The following HRH1 variants were observed in gnomAD, a reference collection of about 807,000 sequenced individuals.
The protein encoded by HRH1 is histamine receptor H1.
In HRH1, 6 loss-of-function variants were observed where a neutral mutation model predicts 10.3. The ratio of observed to expected loss-of-function variants is 0.58; its 90% CI spans 0.32 to 1.15. The LOEUF (loss-of-function observed/expected upper bound fraction) is 1.15, where lower values mean the gene tolerates loss of function less well. Ranked by LOEUF, HRH1 falls within the 50% of genes most tolerant of loss-of-function variation. The pLI, the probability that HRH1 is intolerant of heterozygous loss-of-function variation, is 0.05. For missense variants in HRH1, 514 were observed against 615.3 expected (o/e 0.84, Z 1.74); for synonymous variants, 242 against 236.7 (o/e 1.02, Z -0.21).
intron 1 of HRH1, among the ~76,000 whole-genome samples, chr3:11,214,138 G>A (rs1938416911): frequency 6.6e-6 from 1 of 152,182 alleles, no homozygotes; most frequent in Non-Finnish European, 1.5e-5. Flanking sequence ...TCCAGAGGCT[G>A]CAAACAGGAG....
chr3:11,164,208 G>T (rs1029534214), intron 1 of HRH1, among the ~76,000 whole-genome samples: 5 of 152,214 alleles, frequency 3.3e-5, no homozygotes, highest in Non-Finnish European at 1.5e-5. Context: ...AAGAGCACAC[G>T]GCCTGGGCTG....
chr3:11,241,733 G>A (rs183629139), intron 1 of HRH1, among the ~76,000 whole-genome samples: 98 of 152,172 alleles, frequency 6.4e-4, no homozygotes, highest in Admixed American at 2.9e-3. Flanking sequence ...CTACTCCGGA[G>A]GCTGAGCCAG....
At position 11,254,115 on chromosome 3, in the gene HRH1, A is replaced by G. The variant is rs1439855374; in HGVS notation, c.-35-4888A>G. ...TATTATCATGATCATGATATTTCCT[A>G]TCTTTTGTCTTACTTGCTGTATTTC... On this transcript the variant is annotated intron_variant, in intron 1 of 1. Transcript: ENST00000431010. Among the ~76,000 whole-genome samples, 8 of 152,102 alleles carry G rather than the reference A, an allele frequency of 5.3e-5. No homozygotes were observed. The East Asian group carries it at 9.6e-4, about 18-fold the overall frequency.
intron 1 of HRH1, among the ~76,000 whole-genome samples, chr3:11,182,964 T>G (rs1437724505): frequency 1.3e-5 from 2 of 152,128 alleles, no homozygotes; most frequent in African/African-American, 4.8e-5. Context: ...CACTTTTCCC[T>G]TTTTTTCCTT....
In HRH1 at chr3:11,199,605, CCTAT is replaced by C. The variant is rs1447675908; in HGVS notation, c.-36+45054_-36+45057del. On this transcript the variant is annotated intron_variant, in intron 1 of 1. Coordinates refer to ENST00000431010, the MANE Select transcript of HRH1 (RefSeq NM_001098212.2). ...CCTGCATGTTGTAATTGCCTGCCTG[CCTAT>C]CTGTTCCCCTCCTAGGCAGAGGACT... 3.3e-5 allele frequency among the ~76,000 whole-genome samples: 5 copies of C among 152,190 alleles called. No individual in the cohort carries two copies. In the East Asian group the frequency reaches 9.6e-4, roughly 29 times the overall value.
intron 1 of HRH1, among the ~76,000 whole-genome samples, chr3:11,202,982 G>A (rs1054767402): frequency 5.9e-5 from 9 of 152,188 alleles, no homozygotes; most frequent in African/African-American, 1.7e-4. Flanking sequence ...TTTCCAGGAC[G>A]TCATACAGTT....
intron 1 of HRH1, among the ~76,000 whole-genome samples, chr3:11,242,611 C>A (rs1447202789): frequency 2.0e-5 from 3 of 149,582 alleles, no homozygotes; most frequent in African/African-American, 7.3e-5. Flanking sequence ...CCTCAAGATA[C>A]ATTTAGTTCC....
intron 1 of HRH1, among the ~76,000 whole-genome samples, chr3:11,191,255 A>G (rs1937525320): frequency 1.3e-5 from 2 of 152,204 alleles, no homozygotes; most frequent in African/African-American, 4.8e-5. Flanking sequence ...CAGTCAACAT[A>G]TCCTGCTACT....
chr3:11,207,439 G>A (rs1405974776), intron 1 of HRH1, among the ~76,000 whole-genome samples: 3 of 151,988 alleles, frequency 2.0e-5, no homozygotes, highest in Admixed American at 6.6e-5. Context: ...GTGTGGTGGC[G>A]GCGCCTGTAG....
chr3:11,250,208 A>T (rs1575043122), intron 1 of HRH1, among the ~76,000 whole-genome samples: 2 of 106,890 alleles, frequency 1.9e-5, no homozygotes, highest in East Asian at 2.7e-4. Context: ...CACCCGGCTA[A>T]TTTTTTTTTT....
At chr3:11,157,823 G>A (rs1159495046) in intron 1 of HRH1, among the ~76,000 whole-genome samples, 1 of 152,248 alleles carries the variant, frequency 6.6e-6, no homozygotes, top group African/African-American at 2.4e-5. Context: ...ATGAGCAGAA[G>A]AGGTTGAGGA....
intron 1 of HRH1, among the ~76,000 whole-genome samples, chr3:11,257,183 G>A (rs1463567070): frequency 6.7e-6 from 1 of 149,888 alleles, no homozygotes; most frequent in Non-Finnish European, 1.5e-5. Context: ...AACCCAGAAA[G>A]CAGAGGTTGC....
chr3:11,169,453 T>C (rs1261883181), intron 1 of HRH1, among the ~76,000 whole-genome samples: 1 of 152,042 alleles, frequency 6.6e-6, no homozygotes, highest in East Asian at 1.9e-4. Context: ...ATCATTCCAT[T>C]GCTCACACCC....
chr3:11,233,130 A>G (rs1216479633), intron 1 of HRH1, among the ~76,000 whole-genome samples: 2 of 152,064 alleles, frequency 1.3e-5, no homozygotes, highest in Non-Finnish European at 2.9e-5. Context: ...GATTCTATAG[A>G]TTTAGGTCTC....
intron 1 of HRH1, among the ~76,000 whole-genome samples, chr3:11,148,810 C>CT (rs755029776): frequency 0.031 from 2,622 of 84,452 alleles, 93 homozygotes; most frequent in African/African-American, 0.05. Flanking sequence ...AAACCACAGT[C>CT]TTTTTTTTTT....
At chr3:11,157,968 G>C (rs1165649847) in intron 1 of HRH1, among the ~76,000 whole-genome samples, 1 of 152,234 alleles carries the variant, frequency 6.6e-6, no homozygotes, top group Non-Finnish European at 1.5e-5. Flanking sequence ...AGCTCTAATA[G>C]AGCAGGCAGC....
chr3:11,236,358 G>A (rs1052104387), intron 1 of HRH1, among the ~76,000 whole-genome samples: 2 of 152,240 alleles, frequency 1.3e-5, no homozygotes, highest in Admixed American at 1.3e-4. Context: ...GAACCAAGGA[G>A]GCGGAGGTTG....
chr3:11,234,445 C>T (rs1218768064), intron 1 of HRH1: 37 of 1,599,688 alleles, frequency 2.3e-5, no homozygotes, highest in South Asian at 1.9e-4. Flanking sequence ...TGATCTCCTC[C>T]GTGCTATAGT....
Position 11,233,780 on chromosome 3 carries a change from G to A in HRH1, c.-35-25223G>A, listed in dbSNP as rs1054752297. Among the ~76,000 whole-genome samples, 37 of 152,298 alleles carry A rather than the reference G, an allele frequency of 2.4e-4. 1 individual carries two copies. The highest frequency in any genetic ancestry group is 8.2e-4 in the African/African-American group (34 of 41,580). On this transcript the variant is annotated intron_variant, in intron 1 of 1. Transcript: ENST00000431010. Reference sequence around the variant, plus strand: ...AGGTCAGGATGGGTTTGCAGAAATCGTATCTGACCATCTGGCCTCTGCTAG... The same window carrying A: ...AGGTCAGGATGGGTTTGCAGAAATCATATCTGACCATCTGGCCTCTGCTAG...
Sources: allele counts gnomAD v4.1 joint callset (sites outside exome capture counted in the v4.1 genomes callset), GRCh38; gene constraint gnomAD v4.1.1; transcripts MANE v1.5; gene names NCBI Gene and HGNC (gene_info 2026-07-23, HGNC 2026-07-21).